Variants in COL18A1 observed in about 807,000 individuals in gnomAD.
COL18A1 encodes collagen type XVIII alpha 1 chain, also known as collagen alpha-1(XVIII) chain.
A neutral mutation model predicts 168.0 loss-of-function variants in COL18A1; 133 were observed. That is an observed-to-expected ratio of 0.79 (90% confidence interval 0.69 to 0.91). COL18A1 has a LOEUF of 0.91. COL18A1 is among the 40% of genes least tolerant of loss of function. COL18A1 has a pLI of 0.00. For synonymous variants in COL18A1, 949 were observed against 809.0 expected (o/e 1.17, Z -2.94); for missense variants, 2,126 against 1,925.4 (o/e 1.10, Z -1.95).
Position 45,494,576 on chromosome 21 carries a change from G to A in COL18A1, c.2379+5G>A, listed in dbSNP as rs2036468341. 1 of 1,613,130 alleles carries A rather than the reference G, an allele frequency of 6.2e-7. No individual in the cohort carries two copies. The stretch of plus-strand genomic sequence containing the variant: ...CCGGGCTTCCGAGGACCCCCGGTAA[G>A]TCGGTCCCTGGCTTTCTCTGCACTG... On this transcript the variant is annotated splice_donor_5th_base_variant and intron_variant, in intron 27 of 41. Transcript: ENST00000651438.
At chr21:45,481,237 G>GCGGCTCGTAGGGTCTCAGGTCCCCA (rs2035881334) in intron 13 of COL18A1, among the ~76,000 whole-genome samples, 1 of 152,194 alleles carries the variant, frequency 6.6e-6, no homozygotes, top group East Asian at 1.9e-4. Context: ...CTTGGCCAAC[G>GCGGCTCGTAGGGTCTCAGGTCCCCA]CGGCTCGTAG....
In COL18A1 at chr21:45,498,739, C is replaced by T. The variant is rs984062632; in HGVS notation, c.2683+1078C>T. On this transcript the variant is annotated intron_variant, in intron 32 of 41. Coordinates refer to ENST00000651438, the MANE Select transcript of COL18A1 (RefSeq NM_001379500.1). The surrounding 1 kb of genome is among the most constrained non-coding windows in gnomAD (Gnocchi z 4.5). ...GAATGATGCACAGATGACCAGAAACCAGGAGAAGAGGCCAGTGACACACCA... is the reference window on the plus strand; with the variant it reads ...GAATGATGCACAGATGACCAGAAACTAGGAGAAGAGGCCAGTGACACACCA... 3.3e-6 allele frequency: 2 copies of T among 611,892 alleles called. No individual in the cohort carries two copies. 37.9% of individuals were successfully genotyped at this position (611,892 alleles called of 1,614,324 possible). A position where few individuals can be genotyped will look rare whatever the true frequency, so the allele number is the denominator to read the frequency against.
At position 45,499,787 on chromosome 21, in the gene COL18A1, C is replaced by T. The variant is rs567196491; in HGVS notation, c.2683+2126C>T. On this transcript the variant is annotated intron_variant, in intron 32 of 41. Transcript: ENST00000651438. ...TGGAGAGGCAGGAGGGCAGGCAGGA[C>T]GGCACACACACAGGACGTTTAAAAC... Among the ~76,000 whole-genome samples, 38 of 152,230 alleles carry T rather than the reference C, an allele frequency of 2.5e-4. No homozygotes were observed. The South Asian group carries it at 4.1e-3, about 17-fold the overall frequency.
chr21:45,436,905 C>G (rs1017685490), intron 2 of COL18A1, among the ~76,000 whole-genome samples: 1 of 145,684 alleles, frequency 6.9e-6, no homozygotes, highest in Non-Finnish European at 1.5e-5. Context: ...GGAACCCTGG[C>G]TAGGGAGGGG....
rs539114415 is a variant in COL18A1 at position 45,512,610 on chromosome 21, A to G, written c.*212A>G. On this transcript the variant is annotated 3_prime_UTR_variant, in exon 42 of 42. Coordinates refer to ENST00000651438, the MANE Select transcript of COL18A1 (RefSeq NM_001379500.1). ...AAACAGAAGCCTGATGCTGACATTC[A>G]CCTGCCCCAACTCTCCCCTGACCTG... is the stretch of plus-strand genomic sequence containing the variant. The G allele has an allele frequency of 3.3e-6, 2 of 606,012 alleles. No homozygotes were observed. The highest frequency in any genetic ancestry group is 5.8e-6 in the Non-Finnish European group (2 of 343,598). The allele number at this position is 606,012 out of a possible 1,614,324, so 37.5% of individuals were successfully genotyped here.
At chr21:45,485,496 C>T (rs538021232) in intron 15 of COL18A1, among the ~76,000 whole-genome samples, 83 of 134,468 alleles carry the variant, frequency 6.2e-4, no homozygotes, top group African/African-American at 2.1e-3. Flanking sequence ...ACCCTGTGTC[C>T]AAAAAGAAAA....
intron 2 of COL18A1, among the ~76,000 whole-genome samples, chr21:45,466,954 A>C (rs571081293): frequency 2.0e-5 from 3 of 152,262 alleles, no homozygotes; most frequent in African/African-American, 7.2e-5. Flanking sequence ...TTATGAGAAA[A>C]AGGATCATTG....
rs886057137 is a variant in COL18A1, at chr21:45,512,210, G to A, written c.3832G>A (p.Gly1278Ser). The change falls in exon 42 of 42, where the codon GGC (glycine) becomes AGC (serine). Residue 1278 changes from glycine (G) to serine (S), a missense_variant. Gly to Ser is a moderately conservative substitution (Grantham distance 56). Transcript: ENST00000651438. ...CAGGCCCCAGAAGAGCGTGTGGCAT[G>A]GCTCGGACCCCAACGGGCGCAGGCT... ...PTWPQKSVWH[G>S]SDPNGRRLTE... The A allele has an allele frequency of 6.2e-7, 1 of 1,612,522 alleles. No homozygotes were observed. Among genetic ancestry groups the A allele is most frequent in the Admixed American group, 1.7e-5 (1 of 59,984 alleles).
intron 2 of COL18A1, among the ~76,000 whole-genome samples, chr21:45,428,021 GC>G (rs2033856293): frequency 6.6e-6 from 1 of 152,186 alleles, no homozygotes; most frequent in African/African-American, 2.4e-5. Flanking sequence ...AGCCAACGCA[GC>G]CTACTCCTGC....
intron 2 of COL18A1, among the ~76,000 whole-genome samples, chr21:45,440,989 C>G (rs1265624831): frequency 1.3e-5 from 2 of 152,202 alleles, no homozygotes; most frequent in African/African-American, 4.8e-5. Flanking sequence ...CTCAGCAGTT[C>G]TCTCGCTGTG....
In COL18A1 at chr21:45,494,659, G is replaced by T. The variant is rs1329210548; in HGVS notation, c.2379+88G>T. 6 of 1,576,772 alleles carry T rather than the reference G, an allele frequency of 3.8e-6. No individual in the cohort carries two copies. The East Asian group carries it at 1.1e-4, about 29-fold the overall frequency. Reference sequence around the variant, plus strand: ...CGCCCGCGGCTGCTGAGCTTGTGCTGTGCGGCCCAGGGCTCATCTCCCTAG... The same window carrying T: ...CGCCCGCGGCTGCTGAGCTTGTGCTTTGCGGCCCAGGGCTCATCTCCCTAG... On this transcript the variant is annotated intron_variant, in intron 27 of 41. Transcript: ENST00000651438.
intron 2 of COL18A1, chr21:45,421,062 C>A (rs2033607011): frequency 5.0e-6 from 1 of 200,046 alleles, no homozygotes; most frequent in Non-Finnish European, 1.0e-5. Flanking sequence ...ACCCCCACCC[C>A]ACCCAGCCCT....
chr21:45,426,934 G>T (rs111270417), intron 2 of COL18A1, among the ~76,000 whole-genome samples: 18 of 152,324 alleles, frequency 1.2e-4, no homozygotes, highest in Admixed American at 5.2e-4. Flanking sequence ...GGATGCGGGG[G>T]TGCCGTGCAC....
chr21:45,504,472 G>C lies in COL18A1; in HGVS notation c.2784G>C (p.Gly928=). The part of the protein sequence containing the change: ...AGQKGERGEP[G]GGGFFGSSLP... Reference sequence around the variant, plus strand: ...AGAAAGGCGAAAGGGGGGAGCCCGGGGGCGGCGGTTTCTTCGGCTCCAGCC... The same window carrying C: ...AGAAAGGCGAAAGGGGGGAGCCCGGCGGCGGCGGTTTCTTCGGCTCCAGCC... The change falls in exon 34 of 42, where the codon GGG becomes GGC. Residue 928 remains glycine, a synonymous_variant. Coordinates refer to ENST00000651438, the MANE Select transcript of COL18A1 (RefSeq NM_001379500.1). 6.2e-7 allele frequency: 1 copy of C among 1,608,840 alleles called. No homozygotes were observed. The highest frequency in any genetic ancestry group is 8.5e-7 in the Non-Finnish European group (1 of 1,178,330).
chr21:45,456,952 G>T, intron 2 of COL18A1: 1 of 1,227,294 alleles, frequency 8.1e-7, no homozygotes. Context: ...CGGGGCTGAC[G>T]TGAGCCTGGT....
intron 2 of COL18A1, among the ~76,000 whole-genome samples, chr21:45,405,994 G>A (rs553076857): frequency 2.0e-5 from 3 of 152,210 alleles, no homozygotes; most frequent in South Asian, 2.1e-4. Flanking sequence ...CCGTGGTGTC[G>A]GGTTGCGCGG....
intron 32 of COL18A1, among the ~76,000 whole-genome samples, chr21:45,500,086 A>T (rs902703873): frequency 6.7e-6 from 1 of 150,370 alleles, no homozygotes; most frequent in African/African-American, 2.5e-5. Flanking sequence ...GTGTGTGTGG[A>T]GTGTGTGTAT....
At chr21:45,456,590 C>G (rs1315256691) in intron 2 of COL18A1, 1 of 1,542,594 alleles carries the variant, frequency 6.5e-7, no homozygotes, top group African/African-American at 1.4e-5. Context: ...ACGCTTCTGG[C>G]TGCCCAACCA....
At chr21:45,510,973 ACACCCCC>A (rs1245184981) in intron 40 of COL18A1, 131 bp from the exon 41 acceptor site, 11 of 14,918 alleles carry the variant, frequency 7.4e-4, no homozygotes, top group South Asian at 1.1e-3. Context: ...ACACCCCCAA[ACACCCCC>A]CACACCCCAC....
Sources: gnomAD v4.1 joint callset for allele counts (sites outside exome capture counted in the v4.1 genomes callset) on GRCh38, gnomAD v4.1.1 for gene constraint, Gnocchi (gnomAD v3.1) non-coding constraint, MANE v1.5 for transcripts, NCBI Gene and HGNC (gene_info 2026-07-23, HGNC 2026-07-21) for gene names.